The following LRRC4C variants were observed in gnomAD, a reference collection of about 807,000 sequenced individuals.
The protein encoded by LRRC4C is leucine-rich repeat-containing protein 4C.
LRRC4C carries 5 observed loss-of-function variants against 33.6 expected under a neutral mutation model. The ratio of observed to expected loss-of-function variants is 0.15; its 90% CI spans 0.08 to 0.31. LRRC4C has a LOEUF of 0.31. Among genes scored for constraint, LRRC4C ranks in the 10% least tolerant of loss-of-function variants. LRRC4C has a pLI of 1.00. For missense variants in LRRC4C, 560 were observed against 796.7 expected (o/e 0.70, Z 3.58); for synonymous variants, 329 against 302.0 (o/e 1.09, Z -0.93).
chr11:41,231,167 G>A (rs1947775114), intron 1 of LRRC4C, among the ~76,000 whole-genome samples: 1 of 152,100 alleles, frequency 6.6e-6, no homozygotes. Flanking sequence ...CTGTTGGTGG[G>A]ACTGTAAACT....
At chr11:41,073,384 C>T (rs1050282644) in intron 1 of LRRC4C, among the ~76,000 whole-genome samples, 4 of 152,026 alleles carry the variant, frequency 2.6e-5, no homozygotes, top group Admixed American at 2.6e-4. Context: ...GAGCTCCTTT[C>T]CTCCCAGGGG....
intron 1 of LRRC4C, among the ~76,000 whole-genome samples, chr11:41,312,560 G>T (rs1375295170): frequency 6.6e-6 from 1 of 152,130 alleles, no homozygotes; most frequent in Non-Finnish European, 1.5e-5. Context: ...TGAGATTAGT[G>T]CACAGCATAT....
intron 3 of LRRC4C, among the ~76,000 whole-genome samples, chr11:40,391,483 C>T (rs1378370695): frequency 6.6e-6 from 1 of 152,124 alleles, no homozygotes; most frequent in Admixed American, 6.5e-5. Context: ...CTGTGATGTA[C>T]CACTATTGTC....
At chr11:40,670,373 C>T (rs1944029237) in intron 2 of LRRC4C, among the ~76,000 whole-genome samples, 1 of 152,294 alleles carries the variant, frequency 6.6e-6, no homozygotes, top group Admixed American at 6.5e-5. Flanking sequence ...GTAGACTTCT[C>T]TTTTAAAATG....
chr11:41,263,468 C>T (rs1326236542), intron 1 of LRRC4C, among the ~76,000 whole-genome samples: 5 of 152,062 alleles, frequency 3.3e-5, no homozygotes, highest in Non-Finnish European at 7.4e-5. Context: ...AGTAAGGGGG[C>T]ATTTAGAGAA....
intron 5 of LRRC4C, among the ~76,000 whole-genome samples, chr11:40,171,562 A>G (rs4237678): frequency 0.21 from 31,771 of 151,726 alleles, 3,557 homozygotes; most frequent in East Asian, 0.41. Flanking sequence ...TTCTTATGTC[A>G]TATACCACAT....
At chr11:40,659,673 CAG>C (rs1213450134) in intron 2 of LRRC4C, among the ~76,000 whole-genome samples, 1 of 152,112 alleles carries the variant, frequency 6.6e-6, no homozygotes, top group African/African-American at 2.4e-5. Context: ...GAGTTACCCA[CAG>C]AGTTACCCAC....
At chr11:40,548,231 T>C (rs1010906330) in intron 3 of LRRC4C, among the ~76,000 whole-genome samples, 2 of 152,054 alleles carry the variant, frequency 1.3e-5, no homozygotes, top group East Asian at 1.9e-4. Flanking sequence ...TCCCAAAAAA[T>C]GTATGTTGGT....
In LRRC4C at chr11:40,264,841, C is replaced by T. The variant is rs1297047312; in HGVS notation, c.-175-23243G>A. On this transcript the variant is annotated intron_variant, in intron 4 of 6. Transcript: ENST00000528697. ...TCCAGATGCTCCAGTCTGCCCATCT[C>T]TTTCAAATTTCAGAGACTTGTAACA... 2.0e-5 allele frequency among the ~76,000 whole-genome samples: 3 copies of T among 152,162 alleles called. No homozygotes were observed. The East Asian group carries it at 5.8e-4, about 29-fold the overall frequency.
At chr11:40,717,289 A>C (rs907366449) in intron 2 of LRRC4C, among the ~76,000 whole-genome samples, 2 of 148,632 alleles carry the variant, frequency 1.3e-5, no homozygotes, top group African/African-American at 2.5e-5. Context: ...TTTTTTTTTC[A>C]AGAAAATGAA....
chr11:41,430,847 C>T (rs185954539), intron 1 of LRRC4C, among the ~76,000 whole-genome samples: 280 of 151,924 alleles, frequency 1.8e-3, no homozygotes, highest in Non-Finnish European at 3.3e-3. Flanking sequence ...AGGGCACTTA[C>T]TTACTAGTTG....
rs529898062 is a variant in LRRC4C at position 41,354,451 on chromosome 11, A to T, written c.-496+104980T>A. 2.0e-5 allele frequency among the ~76,000 whole-genome samples: 3 copies of T among 152,276 alleles called. No homozygotes were observed. In the South Asian group the frequency reaches 6.2e-4, roughly 32 times the overall value. ...ATTGTTAAAATGGTCAGATGCCCAA[A>T]GTAATTGCAGATTCAATGCTATTCC... is the stretch of plus-strand genomic sequence containing the variant. On this transcript the variant is annotated intron_variant, in intron 1 of 6. Coordinates refer to ENST00000528697, the MANE Select transcript of LRRC4C (RefSeq NM_001258419.2).
chr11:40,855,317 A>G (rs1953726844), intron 2 of LRRC4C, among the ~76,000 whole-genome samples: 3 of 152,170 alleles, frequency 2.0e-5, no homozygotes, highest in South Asian at 2.1e-4. Flanking sequence ...GAAAAACCCA[A>G]TGAAATGTTT....
At chr11:40,410,872 G>C (rs562690835) in intron 3 of LRRC4C, among the ~76,000 whole-genome samples, 21 of 152,144 alleles carry the variant, frequency 1.4e-4, no homozygotes, top group Admixed American at 7.2e-4. Flanking sequence ...TAGCTTTCTT[G>C]GCAGTCACAT....
intron 5 of LRRC4C, among the ~76,000 whole-genome samples, chr11:40,144,367 C>T (rs1031999190): frequency 7.2e-5 from 11 of 152,070 alleles, no homozygotes; most frequent in African/African-American, 2.4e-4. Context: ...GAGCACTGTT[C>T]GAAACACTTA....
chr11:41,169,822 A>G (rs553330726), intron 1 of LRRC4C, among the ~76,000 whole-genome samples: 11 of 152,268 alleles, frequency 7.2e-5, no homozygotes, highest in African/African-American at 2.6e-4. Context: ...CCCCCTTTCA[A>G]TGGTATTGTA....
intron 2 of LRRC4C, among the ~76,000 whole-genome samples, chr11:40,846,091 T>C (rs1162358989): frequency 6.6e-6 from 1 of 151,838 alleles, no homozygotes; most frequent in Non-Finnish European, 1.5e-5. Flanking sequence ...CTCTGTCAGA[T>C]GGACAGATTG....
At chr11:40,251,382 G>A (rs1366309361) in intron 4 of LRRC4C, among the ~76,000 whole-genome samples, 1 of 152,012 alleles carries the variant, frequency 6.6e-6, no homozygotes. Flanking sequence ...ACAAACTGAA[G>A]GTACAAGGAG....
At chr11:41,448,380 A>C (rs1458872178) in intron 1 of LRRC4C, among the ~76,000 whole-genome samples, 1 of 138,778 alleles carries the variant, frequency 7.2e-6, no homozygotes, top group Non-Finnish European at 1.5e-5. Context: ...ATCTCTGCTC[A>C]CTGTAACCTC....
Sources: allele counts gnomAD v4.1 joint callset (sites outside exome capture counted in the v4.1 genomes callset), GRCh38; gene constraint gnomAD v4.1.1; transcripts MANE v1.5; gene names NCBI Gene and HGNC (gene_info 2026-07-23, HGNC 2026-07-21).